ZBTB20: variants seen among roughly 807,000 people sequenced by gnomAD.
The protein encoded by ZBTB20 is zinc finger and BTB domain-containing protein 20.
A neutral mutation model predicts 56.9 loss-of-function variants in ZBTB20; 9 were observed. The observed-to-expected ratio is 0.16, with a 90% CI of 0.10 to 0.28. The LOEUF is 0.28. ZBTB20 is among the 10% of genes least tolerant of loss of function. The pLI, the probability that ZBTB20 is intolerant of heterozygous loss-of-function variation, is 1.00. For missense variants in ZBTB20, 655 were observed against 1,003.0 expected, an observed-to-expected ratio of 0.65 and a Z score of 4.69; for synonymous variants, 417 against 420.7, an observed-to-expected ratio of 0.99 and a Z score of 0.11.
intron 2 of ZBTB20, among the ~76,000 whole-genome samples, chr3:115,013,176 T>C (rs2108269383): frequency 6.7e-6 from 1 of 150,088 alleles, no homozygotes; most frequent in African/African-American, 2.4e-5. Context: ...CAAGAGCAAA[T>C]CAAACACAAA....
At chr3:114,757,242 G>A (rs983706938) in intron 5 of ZBTB20, among the ~76,000 whole-genome samples, 4 of 152,130 alleles carry the variant, frequency 2.6e-5, no homozygotes, top group African/African-American at 9.7e-5. Flanking sequence ...GGTTAAATCA[G>A]AGAGAAAGGA....
chr3:114,806,004 T>A (rs552723205), intron 4 of ZBTB20, among the ~76,000 whole-genome samples: 1 of 152,048 alleles, frequency 6.6e-6, no homozygotes, highest in East Asian at 1.9e-4. Context: ...CATCAGCCAA[T>A]GGACATCTGA....
At chr3:114,932,220 G>A (rs1012261407) in intron 3 of ZBTB20, among the ~76,000 whole-genome samples, 3 of 152,192 alleles carry the variant, frequency 2.0e-5, no homozygotes, top group African/African-American at 7.2e-5. Context: ...GTAACCACCT[G>A]TAACCTGTAC....
chr3:114,433,095 T>C (rs2090238685), intron 7 of ZBTB20, among the ~76,000 whole-genome samples: 1 of 152,134 alleles, frequency 6.6e-6, no homozygotes, highest in Non-Finnish European at 1.5e-5. Context: ...TACGTAGATA[T>C]AGGTCCTTTT....
Position 114,676,407 on chromosome 3 carries a change from TG to T in ZBTB20, c.-295+17120del, listed in dbSNP as rs2061628323. 7.2e-5 allele frequency among the ~76,000 whole-genome samples: 11 copies of T among 152,318 alleles called. 1 individual carries two copies. In the South Asian group the frequency reaches 2.3e-3, roughly 32 times the overall value. Reference sequence around the variant, plus strand: ...GAGGGTTAAATGAGATAATGTATGTTGGAGCTCAATGGAAGGTCAATGTTCT... The same window carrying T: ...GAGGGTTAAATGAGATAATGTATGTTGAGCTCAATGGAAGGTCAATGTTCT... On this transcript the variant is annotated intron_variant, in intron 6 of 11. Coordinates refer to ENST00000675478, the MANE Select transcript of ZBTB20 (RefSeq NM_001348800.3).
intron 4 of ZBTB20, among the ~76,000 whole-genome samples, chr3:114,870,400 T>C (rs1401507305): frequency 2.0e-5 from 3 of 150,368 alleles, no homozygotes; most frequent in African/African-American, 7.4e-5. Context: ...GAGAGGACTG[T>C]CATCTAGTAT....
rs564296964 is a variant in ZBTB20, at chr3:114,695,355, G to A, written c.-342-1780C>T. Among the ~76,000 whole-genome samples, 83 of 151,960 alleles carry A rather than the reference G, an allele frequency of 5.5e-4. 3 individuals are homozygous for A. In the South Asian group the frequency reaches 0.017, roughly 31 times the overall value. On this transcript the variant is annotated intron_variant, in intron 5 of 11. Coordinates refer to ENST00000675478, the MANE Select transcript of ZBTB20 (RefSeq NM_001348800.3). ...AACAGAAAAATGAGAAACAGCTAATGTGTTCCCAAGGCCTTGGTTACAACA... is the reference window on the plus strand; with the variant it reads ...AACAGAAAAATGAGAAACAGCTAATATGTTCCCAAGGCCTTGGTTACAACA...
At chr3:114,893,733 A>T (rs2074735739) in intron 4 of ZBTB20, among the ~76,000 whole-genome samples, 1 of 152,078 alleles carries the variant, frequency 6.6e-6, no homozygotes, top group African/African-American at 2.4e-5. Flanking sequence ...AAGATGAGGA[A>T]GGGGAGGGAG....
At chr3:114,990,598 A>G (rs2078760922) in intron 2 of ZBTB20, among the ~76,000 whole-genome samples, 1 of 152,160 alleles carries the variant, frequency 6.6e-6, no homozygotes, top group Non-Finnish European at 1.5e-5. Context: ...AGGCTTTGGT[A>G]TCAGGATGAT....
At chr3:115,124,306 G>A (rs2084264779) in intron 1 of ZBTB20, among the ~76,000 whole-genome samples, 1 of 152,056 alleles carries the variant, frequency 6.6e-6, no homozygotes, top group Admixed American at 6.5e-5. Context: ...AATATTATAA[G>A]GTTGCCATTA....
rs563406117 is a variant in ZBTB20 at position 115,067,248 on chromosome 3, T to C, written c.-507+3971A>G. ...CCCAACATAATAGATGCACAGTGAA[T>C]TAGTAAATGATTAAATAAAATTAGA... On this transcript the variant is annotated intron_variant, in intron 2 of 11. Transcript: ENST00000675478. Among the ~76,000 whole-genome samples the C allele has an allele frequency of 3.3e-5, 5 of 152,148 alleles. No homozygotes were observed. The South Asian group carries it at 1.0e-3, about 32-fold the overall frequency.
chr3:114,505,320 A>G (rs1044576885), intron 6 of ZBTB20, among the ~76,000 whole-genome samples: 1 of 152,218 alleles, frequency 6.6e-6, no homozygotes, highest in Admixed American at 6.5e-5. Flanking sequence ...GCAATTGAAA[A>G]AAAGGGAAAA....
intron 7 of ZBTB20, among the ~76,000 whole-genome samples, chr3:114,390,509 C>T (rs1210194087): frequency 6.6e-6 from 1 of 152,168 alleles, no homozygotes; most frequent in Non-Finnish European, 1.5e-5. Flanking sequence ...TTCCCCTATA[C>T]CTCAGTCTGC....
chr3:114,765,405 C>A (rs1439488435), intron 5 of ZBTB20, among the ~76,000 whole-genome samples: 1 of 152,014 alleles, frequency 6.6e-6, no homozygotes, highest in Non-Finnish European at 1.5e-5. Context: ...TGGGAGAATG[C>A]TATATTAAAG....
At chr3:115,076,977 A>G (rs1215485309) in intron 1 of ZBTB20, among the ~76,000 whole-genome samples, 3 of 152,116 alleles carry the variant, frequency 2.0e-5, no homozygotes, top group Non-Finnish European at 4.4e-5. Context: ...TGAGAATCTC[A>G]TGCCACTGCT....
chr3:114,888,348 TGA>T (rs1225148185), intron 4 of ZBTB20, among the ~76,000 whole-genome samples: 1 of 152,022 alleles, frequency 6.6e-6, no homozygotes, highest in African/African-American at 2.4e-5. Flanking sequence ...CCTGGGAGGT[TGA>T]GACTGCAGTG....
At chr3:114,554,391 C>T (rs1171320370) in intron 6 of ZBTB20, among the ~76,000 whole-genome samples, 2 of 151,998 alleles carry the variant, frequency 1.3e-5, no homozygotes, top group East Asian at 1.9e-4. Context: ...GAGTGAAATC[C>T]AACTGCAAAG....
At chr3:115,093,982 T>G (rs767512510) in intron 1 of ZBTB20, among the ~76,000 whole-genome samples, 4 of 152,060 alleles carry the variant, frequency 2.6e-5, no homozygotes, top group Non-Finnish European at 5.9e-5. Flanking sequence ...ACTTCTAAGT[T>G]TAGAAGCTTC....
At chr3:115,032,582 C>T (rs1057151372) in intron 2 of ZBTB20, among the ~76,000 whole-genome samples, 6 of 151,266 alleles carry the variant, frequency 4.0e-5, no homozygotes, top group East Asian at 1.9e-4. Flanking sequence ...AAACAGAATA[C>T]GCAATCTTCT....
Sources: allele counts gnomAD v4.1 joint callset (sites outside exome capture counted in the v4.1 genomes callset), GRCh38; gene constraint gnomAD v4.1.1; transcripts MANE v1.5; gene names NCBI Gene and HGNC (gene_info 2026-07-23, HGNC 2026-07-21).